The following XRN2 variants were observed in gnomAD, a reference collection of about 807,000 sequenced individuals.
XRN2 encodes DHM1-like protein.
XRN2 carries 44 observed loss-of-function variants against 138.5 expected under a neutral mutation model. The observed-to-expected ratio is 0.32, with a 90% CI of 0.25 to 0.41. The LOEUF is 0.41. Among genes scored for constraint, XRN2 ranks in the 10% least tolerant of loss-of-function variants. XRN2 has a pLI of 1.00. For synonymous variants in XRN2, 354 were observed against 369.4 expected, an observed-to-expected ratio of 0.96 and a Z score of 0.48; for missense variants, 937 against 1,169.3, an observed-to-expected ratio of 0.80 and a Z score of 2.90.
rs139141596 is a variant in XRN2, at chr20:21,384,774, G to C, written c.2649-2094G>C. 3.9e-3 allele frequency among the ~76,000 whole-genome samples: 589 copies of C among 152,304 alleles called. 6 individuals are homozygous for C. The highest frequency in any genetic ancestry group is 0.014 in the African/African-American group (569 of 41,560). Reference sequence around the variant, plus strand: ...TCCTGGAGTGCCGGGATTACAGGCTGAGTTACTGTGCCTGGCCTAATTGCT... The same window carrying C: ...TCCTGGAGTGCCGGGATTACAGGCTCAGTTACTGTGCCTGGCCTAATTGCT... On this transcript the variant is annotated intron_variant, in intron 28 of 29. Coordinates refer to ENST00000377191, the MANE Select transcript of XRN2 (RefSeq NM_012255.5).
chr20:21,320,797 T>C (rs2038030105), intron 1 of XRN2, among the ~76,000 whole-genome samples: 1 of 152,098 alleles, frequency 6.6e-6, no homozygotes, highest in Admixed American at 6.5e-5. Flanking sequence ...GGTTTCACCA[T>C]GTTGGCCAGG....
chr20:21,340,656 C>T (rs202845), intron 14 of XRN2, 65 bp from the exon 15 acceptor site: 1,482,909 of 1,562,948 alleles, frequency 0.95, 703,847 homozygotes, highest in Admixed American at 0.96. Context: ...GCCCTTCTTT[C>T]CTTTCTGTCA....
intron 6 of XRN2, among the ~76,000 whole-genome samples, 162 bp from the exon 7 acceptor site, chr20:21,331,399 T>TCACA (rs71806398): frequency 0.076 from 10,971 of 143,938 alleles, 421 homozygotes; most frequent in African/African-American, 0.09. Context: ...TTGGTGTTTT[T>TCACA]CACACACACA....
intron 15 of XRN2, among the ~76,000 whole-genome samples, chr20:21,343,423 AT>A (rs1465811854): frequency 2.6e-4 from 39 of 152,044 alleles, no homozygotes; most frequent in Middle Eastern, 6.8e-3. Flanking sequence ...TAAAATCTGC[AT>A]TTTTCTAAGA....
intron 1 of XRN2, chr20:21,303,891 A>G (rs1231818463): frequency 1.0e-6 from 1 of 980,564 alleles, no homozygotes; most frequent in Non-Finnish European, 1.2e-6. Flanking sequence ...TTCGGAGGCC[A>G]GCTTTTTGAC....
chr20:21,325,832 G>A (rs1405539593), intron 1 of XRN2, among the ~76,000 whole-genome samples: 3 of 152,244 alleles, frequency 2.0e-5, no homozygotes, highest in Non-Finnish European at 4.4e-5. Flanking sequence ...AGAGAGTCTA[G>A]AGGTGGGGTA....
At position 21,389,568 on chromosome 20, in the gene XRN2, A is replaced by T; in HGVS notation, c.*230A>T. On this transcript the variant is annotated 3_prime_UTR_variant, in exon 30 of 30. Transcript: ENST00000377191. The stretch of plus-strand genomic sequence containing the variant: ...TATTATTGCTTATAAAACACATTTG[A>T]TGGAATAGGAGTACTGGTTTTTCAT... The T allele has an allele frequency of 5.1e-6, 2 of 390,520 alleles. No individual in the cohort carries two copies. Among genetic ancestry groups the T allele is most frequent in the Non-Finnish European group, 9.1e-6 (2 of 219,226 alleles). The allele number at this position is 390,520 out of a possible 1,614,324, so 24.2% of individuals were successfully genotyped here.
At chr20:21,303,819 A>T (rs2037775256) in intron 1 of XRN2, 1 of 1,064,086 alleles carries the variant, frequency 9.4e-7, no homozygotes. Flanking sequence ...GAAGAGGTTC[A>T]GAGGCTGTTG....
At chr20:21,389,234 C>A in intron 29 of XRN2, 39 bp from the exon 30 acceptor site, 1 of 1,566,850 alleles carries the variant, frequency 6.4e-7, no homozygotes, top group South Asian at 1.2e-5. Context: ...GCAGGAGTAT[C>A]GGTCCAGAAA....
intron 8 of XRN2, 68 bp from the exon 9 acceptor site, chr20:21,332,215 A>G (rs984128106): frequency 3.9e-6 from 6 of 1,541,198 alleles, no homozygotes; most frequent in Admixed American, 2.0e-5. Flanking sequence ...GGCATCTCAT[A>G]GTAGTTTATG....
chr20:21,357,768 A>G lies in XRN2; in HGVS notation c.2231A>G (p.Asp744Gly). ...TGTTCTCCTGTTCCTATGTTAAGGGATCTGACACAGAACACTGTAGTCAGG... is the reference window on the plus strand; with the variant it reads ...TGTTCTCCTGTTCCTATGTTAAGGGGTCTGACACAGAACACTGTAGTCAGG... ...IVCSPVPMLR[D>G]LTQNTVVSIN... Residue 744 changes from aspartate (D) to glycine (G), a missense_variant, in exon 24 of 30, where the codon GAT becomes GGT. Physicochemically the swap from Asp to Gly is moderately conservative, Grantham distance 94. Coordinates refer to ENST00000377191, the MANE Select transcript of XRN2 (RefSeq NM_012255.5). 6.3e-7 allele frequency: 1 copy of G among 1,599,712 alleles called. No individual in the cohort carries two copies. The highest frequency in any genetic ancestry group is 1.1e-5 in the South Asian group (1 of 87,014).
intron 13 of XRN2, 116 bp downstream of exon 13, chr20:21,334,301 CACTA>C (rs2038256619): frequency 1.2e-6 from 1 of 812,212 alleles, no homozygotes; most frequent in African/African-American, 1.7e-5. Flanking sequence ...GGTGTGTCAA[CACTA>C]ATGTAATCAT....
At chr20:21,305,021 G>GTT (rs1192191792) in intron 1 of XRN2, among the ~76,000 whole-genome samples, 1 of 152,154 alleles carries the variant, frequency 6.6e-6, no homozygotes, top group Non-Finnish European at 1.5e-5. Context: ...CCCTGGGGCT[G>GTT]TCTTTCTTTT....
chr20:21,319,614 T>C (rs1396862195), intron 1 of XRN2, among the ~76,000 whole-genome samples: 2 of 152,180 alleles, frequency 1.3e-5, no homozygotes, highest in Non-Finnish European at 2.9e-5. Context: ...TTACCCTATG[T>C]ATCTTGCTAG....
At position 21,387,002 on chromosome 20, in the gene XRN2, G is replaced by A. The variant is rs746816648; in HGVS notation, c.2783G>A (p.Arg928Lys). Residue 928 changes from arginine (R) to lysine (K), a missense_variant, in exon 29 of 30, where the codon AGA becomes AAA. Transcript: ENST00000377191. ...YPPRRDDRGG[R>K]QGYPREGRKY... ...CCCAGACGAGATGATCGTGGAGGGA[G>A]ACAGGTAAATGGTTGTGGGATGAAA... 3.7e-6 allele frequency: 6 copies of A among 1,607,546 alleles called. No individual in the cohort carries two copies. The highest frequency in any genetic ancestry group is 1.1e-5 in the South Asian group (1 of 90,886).
intron 24 of XRN2, among the ~76,000 whole-genome samples, chr20:21,361,871 A>G (rs1442453413): frequency 6.6e-6 from 1 of 152,178 alleles, no homozygotes; most frequent in East Asian, 1.9e-4. Context: ...CTTAGTATAC[A>G]TTTTTGGGAA....
chr20:21,357,677 C>T, intron 23 of XRN2, 59 bp from the exon 24 acceptor site: 1 of 1,367,840 alleles, frequency 7.3e-7, no homozygotes, highest in Non-Finnish European at 9.9e-7. Flanking sequence ...CATCTTATTT[C>T]CACTTACCTA....
rs545960984 is a variant in XRN2 at position 21,356,521 on chromosome 20, A to G, written c.2119-65A>G. On this transcript the variant is annotated intron_variant, in intron 22 of 29. Transcript: ENST00000377191. ...TGAATGATGCTGCTATGAACACTCA[A>G]GAATCTGCTTGAGTCCCAGTTTTCC... 2.1e-4 allele frequency: 315 copies of G among 1,466,792 alleles called. 5 individuals carry two copies. The South Asian group carries it at 3.5e-3, about 16-fold the overall frequency. The allele number at this position is 1,466,792 out of a possible 1,614,324, so 90.9% of individuals were successfully genotyped here. A position where few individuals can be genotyped will look rare whatever the true frequency, so the allele number is the denominator to read the frequency against.
At chr20:21,339,015 G>T in intron 13 of XRN2, 29 bp from the exon 14 acceptor site, 2 of 1,582,150 alleles carry the variant, frequency 1.3e-6, no homozygotes, top group South Asian at 2.3e-5. Flanking sequence ...GTAATTATTT[G>T]ACAGAATATG....
Sources: gnomAD v4.1 joint callset for allele counts (sites outside exome capture counted in the v4.1 genomes callset) on GRCh38, gnomAD v4.1.1 for gene constraint, MANE v1.5 for transcripts, NCBI Gene and HGNC (gene_info 2026-07-23, HGNC 2026-07-21) for gene names.